Variants in VPS35L observed in about 807,000 individuals in gnomAD.
VPS35L encodes VPS35 endosomal protein sorting factor like.
In VPS35L, 83 loss-of-function variants were observed where a neutral mutation model predicts 133.0. That is an observed-to-expected ratio of 0.62 (90% confidence interval 0.52 to 0.75). VPS35L has a LOEUF of 0.75. VPS35L is among the 30% of genes least tolerant of loss of function. VPS35L has a pLI of 0.00. For synonymous variants in VPS35L, 423 were observed against 449.9 expected, an observed-to-expected ratio of 0.94 and a Z score of 0.76; for missense variants, 1,083 against 1,206.8, an observed-to-expected ratio of 0.90 and a Z score of 1.52.
At chr16:19,573,738 G>A (rs754071799) in intron 4 of VPS35L, among the ~76,000 whole-genome samples, 2 of 152,148 alleles carry the variant, frequency 1.3e-5, no homozygotes, top group South Asian at 2.1e-4. Flanking sequence ...GCTTGAACCC[G>A]GGAAGTGGAG....
At chr16:19,609,128 A>G (rs1972627926) in intron 11 of VPS35L, 107 bp downstream of exon 11, 3 of 928,842 alleles carry the variant, frequency 3.2e-6, no homozygotes, top group Admixed American at 3.9e-5. Flanking sequence ...CTGAGTACTT[A>G]ATGTGTGTTA....
chr16:19,648,210 C>T (rs1225319491), intron 24 of VPS35L, among the ~76,000 whole-genome samples: 1 of 152,140 alleles, frequency 6.6e-6, no homozygotes, highest in Non-Finnish European at 1.5e-5. Context: ...AGCATTCCTC[C>T]TGCCTTGGCC....
At chr16:19,629,914 A>G in intron 18 of VPS35L, 94 bp downstream of exon 18, 3 of 1,148,002 alleles carry the variant, frequency 2.6e-6, no homozygotes, top group Non-Finnish European at 3.9e-6. Context: ...GGCATTTGAC[A>G]ACGGTACTTG....
At chr16:19,564,708 G>A in intron 1 of VPS35L, 143 bp from the exon 2 acceptor site, 1 of 619,658 alleles carries the variant, frequency 1.6e-6, no homozygotes, top group Non-Finnish European at 2.8e-6. Context: ...CAAAAAGTTT[G>A]TTTTTAAATG....
intron 1 of VPS35L, among the ~76,000 whole-genome samples, chr16:19,561,162 G>T (rs2151497913): frequency 6.6e-6 from 1 of 152,276 alleles, no homozygotes; most frequent in Non-Finnish European, 1.5e-5. Context: ...GAGGTCGGGA[G>T]ATCGAGACCA....
At chr16:19,684,962 G>C (rs1290351663) in intron 28 of VPS35L, among the ~76,000 whole-genome samples, 3 of 151,798 alleles carry the variant, frequency 2.0e-5, no homozygotes, top group Non-Finnish European at 1.5e-5. Context: ...GATGGCTGAT[G>C]CAGGCGAATC....
At chr16:19,595,114 G>T (rs1245375564) in intron 8 of VPS35L, among the ~76,000 whole-genome samples, 3 of 152,204 alleles carry the variant, frequency 2.0e-5, no homozygotes, top group Admixed American at 2.0e-4. Flanking sequence ...GATCATGGTG[G>T]CCTTGGGGGC....
At chr16:19,581,043 T>A (rs577782967) in intron 6 of VPS35L, among the ~76,000 whole-genome samples, 1 of 152,286 alleles carries the variant, frequency 6.6e-6, no homozygotes, top group African/African-American at 2.4e-5. Flanking sequence ...TGAGTTAATA[T>A]CCGTCTGTCT....
At chr16:19,590,406 A>G (rs543403869) in intron 7 of VPS35L, among the ~76,000 whole-genome samples, 1 of 152,148 alleles carries the variant, frequency 6.6e-6, no homozygotes, top group African/African-American at 2.4e-5. Flanking sequence ...TTTTTAAATG[A>G]CATTTTTCTT....
At chr16:19,671,899 T>C (rs890904469) in intron 27 of VPS35L, among the ~76,000 whole-genome samples, 2 of 152,256 alleles carry the variant, frequency 1.3e-5, no homozygotes, top group Non-Finnish European at 2.9e-5. Context: ...TCTCAGACTC[T>C]TGTTAAAATG....
chr16:19,568,207 G>A (rs1971247565), intron 2 of VPS35L, among the ~76,000 whole-genome samples: 2 of 152,122 alleles, frequency 1.3e-5, no homozygotes, highest in Admixed American at 1.3e-4. Context: ...TACGTAGGGT[G>A]AGGCCCAGGG....
rs532881780 is a variant in VPS35L, at chr16:19,624,887, G to A, written c.1225-1290G>A. 4.6e-5 allele frequency among the ~76,000 whole-genome samples: 7 copies of A among 152,306 alleles called. No homozygotes were observed. The South Asian group carries it at 8.3e-4, about 18-fold the overall frequency. Reference sequence around the variant, plus strand: ...GAGTAAGAGAGTAAAGGGAAGTCAAGGACTTAGCCCGAAACCTGGGCAGTG... The same window carrying A: ...GAGTAAGAGAGTAAAGGGAAGTCAAAGACTTAGCCCGAAACCTGGGCAGTG... On this transcript the variant is annotated intron_variant, in intron 14 of 30. Coordinates refer to ENST00000417362, the MANE Select transcript of VPS35L (RefSeq NM_020314.7).
chr16:19,685,049 C>G (rs1236352501), intron 28 of VPS35L, among the ~76,000 whole-genome samples: 2 of 123,956 alleles, frequency 1.6e-5, no homozygotes, highest in Non-Finnish European at 3.4e-5. Flanking sequence ...AAGACTCCAT[C>G]TCAAAAAAAA....
chr16:19,688,265 A>G (rs1276758115), intron 28 of VPS35L, among the ~76,000 whole-genome samples: 2 of 151,908 alleles, frequency 1.3e-5, no homozygotes, highest in African/African-American at 4.8e-5. Flanking sequence ...CACAGGCCCT[A>G]CTGTGTTTCT....
At chr16:19,667,290 T>C (rs17676241) in intron 26 of VPS35L, among the ~76,000 whole-genome samples, 32,523 of 151,966 alleles carry the variant, frequency 0.21, 4,127 homozygotes, top group Non-Finnish European at 0.28. Context: ...GGTCACAAGA[T>C]AGAAGACCCT....
rs1974727494 is a variant in VPS35L, at chr16:19,667,333, A to G, written c.2222-1827A>G. ...CTGACCCTTTCTGGAAGGTTTCTCT[A>G]TCAGAACGGACATCAGGTGGCTTTT... On this transcript the variant is annotated intron_variant, in intron 26 of 30. Transcript: ENST00000417362. Among the ~76,000 whole-genome samples, 2 of 152,110 alleles carry G rather than the reference A, an allele frequency of 1.3e-5. 1 individual carries two copies. Among genetic ancestry groups the G allele is most frequent in the South Asian group, 4.2e-4 (2 of 4,814 alleles).
At chr16:19,555,788 C>T (rs777194425) in intron 1 of VPS35L, 42 bp downstream of exon 1, 9 of 1,539,556 alleles carry the variant, frequency 5.8e-6, no homozygotes, top group African/African-American at 1.4e-5. Context: ...AGGGGCTGTC[C>T]TTACTTGTGA....
chr16:19,641,189 C>T (rs1162766700), intron 21 of VPS35L, among the ~76,000 whole-genome samples: 1 of 152,074 alleles, frequency 6.6e-6, no homozygotes, highest in Non-Finnish European at 1.5e-5. Context: ...CTCAGCCTCC[C>T]GAGTAGCTGG....
chr16:19,609,438 A>T (rs1972639254), intron 11 of VPS35L, among the ~76,000 whole-genome samples: 1 of 152,158 alleles, frequency 6.6e-6, no homozygotes. Flanking sequence ...CACCCCTGGC[A>T]CACGGTGGGC....
Sources: gnomAD v4.1 joint callset for allele counts (sites outside exome capture counted in the v4.1 genomes callset) on GRCh38, gnomAD v4.1.1 for gene constraint, MANE v1.5 for transcripts, NCBI Gene and HGNC (gene_info 2026-07-23, HGNC 2026-07-21) for gene names.